TCF12: variants seen among roughly 807,000 people sequenced by gnomAD.
TCF12 encodes the protein DNA-binding protein HTF4.
A neutral mutation model predicts 86.0 loss-of-function variants in TCF12; 45 were observed. The observed-to-expected ratio is 0.52, with a 90% CI of 0.41 to 0.67. TCF12 has a LOEUF of 0.67. Among genes scored for constraint, TCF12 ranks in the 30% least tolerant of loss-of-function variants. The pLI is 0.00. For missense variants in TCF12, 881 were observed against 859.9 expected (o/e 1.02, Z -0.31); for synonymous variants, 330 against 299.6 (o/e 1.10, Z -1.05).
Position 57,232,605 on chromosome 15 carries a change from T to G in TCF12, c.826-107T>G, listed in dbSNP as rs1597485686. ...ATAAATGACAATAAGTAGTGCTCTT[T>G]AGCTGTAACTTGTAAATGCTCTTTT... On this transcript the variant is annotated intron_variant, in intron 10 of 20. Coordinates refer to ENST00000333725, the MANE Select transcript of TCF12 (RefSeq NM_207037.2). 8.3e-6 allele frequency: 12 copies of G among 1,446,868 alleles called. No homozygotes were observed. The East Asian group carries it at 2.9e-4, about 35-fold the overall frequency. The allele number at this position is 1,446,868 out of a possible 1,614,324, so 89.6% of individuals were successfully genotyped here.
At chr15:57,101,409 T>C (rs2962995) in intron 5 of TCF12, among the ~76,000 whole-genome samples, 124,320 of 152,140 alleles carry the variant, frequency 0.82, 51,278 homozygotes, top group African/African-American at 0.93. Flanking sequence ...CACAGTCTTG[T>C]TGCGCTGCCC....
chr15:56,971,375 C>T (rs2061524887), intron 3 of TCF12, among the ~76,000 whole-genome samples: 1 of 151,690 alleles, frequency 6.6e-6, no homozygotes, highest in Admixed American at 6.6e-5. Flanking sequence ...TGCAGTGAGC[C>T]GAGATCACGC....
chr15:57,286,834 G>C lies in TCF12; in HGVS notation c.*689G>C, dbSNP rs1174361585. The C allele has an allele frequency of 2.7e-6, 1 of 373,704 alleles. No individual in the cohort carries two copies. The highest frequency in any genetic ancestry group is 5.2e-6 in the Non-Finnish European group (1 of 190,898). The allele number at this position is 373,704 out of a possible 1,614,324, so 23.1% of individuals were successfully genotyped here. ...TTTTCTCTTTGTGGGTGTTATATTT[G>C]ATCTCTAAATCTGAACAGTTTATGG... On this transcript the variant is annotated 3_prime_UTR_variant, in exon 21 of 21. Coordinates refer to ENST00000333725, the MANE Select transcript of TCF12 (RefSeq NM_207037.2).
At chr15:56,997,047 T>C (rs1467769768) in intron 3 of TCF12, among the ~76,000 whole-genome samples, 5 of 152,076 alleles carry the variant, frequency 3.3e-5, no homozygotes, top group Admixed American at 3.3e-4. Flanking sequence ...ATTTCAGCCA[T>C]TGTGGGAAGC....
chr15:56,974,610 T>C (rs1338928430), intron 3 of TCF12, among the ~76,000 whole-genome samples: 1 of 152,116 alleles, frequency 6.6e-6, no homozygotes, highest in Non-Finnish European at 1.5e-5. Flanking sequence ...TGTACTTTAG[T>C]ATTTACAACA....
intron 5 of TCF12, among the ~76,000 whole-genome samples, chr15:57,092,947 A>G (rs1387133919): frequency 6.6e-6 from 1 of 152,218 alleles, no homozygotes; most frequent in Non-Finnish European, 1.5e-5. Context: ...TGCTTTGCAC[A>G]GTCTTTGTTT....
chr15:57,065,563 A>T (rs945872677), intron 4 of TCF12, among the ~76,000 whole-genome samples: 2 of 152,068 alleles, frequency 1.3e-5, no homozygotes, highest in African/African-American at 4.8e-5. Context: ...ATCTCTTAGA[A>T]TGCATTAAAT....
At chr15:57,111,687 G>A (rs932681024) in intron 5 of TCF12, among the ~76,000 whole-genome samples, 1 of 150,920 alleles carries the variant, frequency 6.6e-6, no homozygotes, top group Non-Finnish European at 1.5e-5. Flanking sequence ...TGCCTACCGG[G>A]CTCAAGTGAT....
In TCF12 at chr15:56,985,498, A is replaced by G. The variant is rs2063137725; in HGVS notation, c.148+64400A>G. Among the ~76,000 whole-genome samples the G allele has an allele frequency of 2.6e-5, 4 of 152,328 alleles. No homozygotes were observed. In the South Asian group the frequency reaches 6.2e-4, roughly 24 times the overall value. The stretch of plus-strand genomic sequence containing the variant: ...TTTGACTTAGCTGGTTAATTTATCC[A>G]GATACGTAGATGGTAGCAAATTGGC... On this transcript the variant is annotated intron_variant, in intron 3 of 20. Coordinates refer to ENST00000333725, the MANE Select transcript of TCF12 (RefSeq NM_207037.2).
intron 3 of TCF12, among the ~76,000 whole-genome samples, chr15:57,046,673 C>G (rs2067251631): frequency 6.6e-6 from 1 of 152,080 alleles, no homozygotes; most frequent in Non-Finnish European, 1.5e-5. Context: ...CCAGGCTGTT[C>G]TCGAACTCCT....
At chr15:57,051,072 T>C (rs1334360742) in intron 3 of TCF12, among the ~76,000 whole-genome samples, 4 of 152,226 alleles carry the variant, frequency 2.6e-5, no homozygotes, top group Non-Finnish European at 5.9e-5. Context: ...GTAGGTGATA[T>C]GTTGTAGAAG....
At chr15:57,016,244 T>C (rs916147318) in intron 3 of TCF12, among the ~76,000 whole-genome samples, 1 of 152,222 alleles carries the variant, frequency 6.6e-6, no homozygotes, top group Non-Finnish European at 1.5e-5. Context: ...AGAATTGTTA[T>C]GTATGATAGA....
At chr15:57,088,046 A>G (rs572655994) in intron 4 of TCF12, among the ~76,000 whole-genome samples, 15 of 152,272 alleles carry the variant, frequency 9.9e-5, no homozygotes, top group African/African-American at 2.6e-4. Context: ...TGTATATTTA[A>G]TGATGTCACT....
intron 8 of TCF12, among the ~76,000 whole-genome samples, chr15:57,210,512 G>T (rs2058057927): frequency 6.6e-6 from 1 of 152,012 alleles, no homozygotes; most frequent in South Asian, 2.1e-4. Context: ...TATTTACATG[G>T]ACAGTGTGCC....
At chr15:57,033,002 C>T (rs1398235689) in intron 3 of TCF12, among the ~76,000 whole-genome samples, 1 of 151,658 alleles carries the variant, frequency 6.6e-6, no homozygotes. Flanking sequence ...AAAGAGGAAA[C>T]AAAATTTTAG....
chr15:57,209,389 G>A (rs2058007523), intron 8 of TCF12, among the ~76,000 whole-genome samples: 1 of 152,218 alleles, frequency 6.6e-6, no homozygotes, highest in Admixed American at 6.5e-5. Flanking sequence ...ATTGTTTTAG[G>A]ATGACCTAAT....
rs1277365168 is a variant in TCF12 at position 57,135,962 on chromosome 15, TA to T, written c.326-30432del. Among the ~76,000 whole-genome samples the T allele has an allele frequency of 4.6e-5, 7 of 151,836 alleles. No homozygotes were observed. In the South Asian group the frequency reaches 6.2e-4, roughly 14 times the overall value. On this transcript the variant is annotated intron_variant, in intron 5 of 20. Coordinates refer to ENST00000333725, the MANE Select transcript of TCF12 (RefSeq NM_207037.2). The stretch of plus-strand genomic sequence containing the variant: ...TTTTCATGAAATGGGCTTGTAATGC[TA>T]AAAAAAACTAGCTGACTTGGTTATT...
At chr15:56,961,469 G>C (rs2061750073) in intron 3 of TCF12, among the ~76,000 whole-genome samples, 1 of 152,188 alleles carries the variant, frequency 6.6e-6, no homozygotes, top group South Asian at 2.1e-4. Context: ...ATTTGTATAA[G>C]CAACCGCAAA....
intron 3 of TCF12, among the ~76,000 whole-genome samples, chr15:57,054,045 G>A (rs1192222688): frequency 1.3e-5 from 2 of 152,076 alleles, no homozygotes; most frequent in Non-Finnish European, 2.9e-5. Flanking sequence ...TTGTGAGTAT[G>A]GAAAGAATTG....
Sources: allele counts gnomAD v4.1 joint callset (sites outside exome capture counted in the v4.1 genomes callset), GRCh38; gene constraint gnomAD v4.1.1; transcripts MANE v1.5; gene names NCBI Gene and HGNC (gene_info 2026-07-23, HGNC 2026-07-21).